The following UBAC2 variants were observed in gnomAD, a reference collection of about 807,000 sequenced individuals.
The protein encoded by UBAC2 is ubiquitin-associated domain-containing protein 2.
A neutral mutation model predicts 44.0 loss-of-function variants in UBAC2; 26 were observed. The ratio of observed to expected loss-of-function variants is 0.59; its 90% CI spans 0.43 to 0.82. UBAC2 has a LOEUF of 0.82. UBAC2 is among the 40% of genes least tolerant of loss of function. UBAC2 has a pLI of 0.00. For missense variants in UBAC2, 329 were observed against 419.4 expected (o/e 0.78, Z 1.88); for synonymous variants, 155 against 154.3 (o/e 1.00, Z -0.04).
At chr13:99,367,474 G>A (rs867552130) in intron 7 of UBAC2, among the ~76,000 whole-genome samples, 2 of 152,058 alleles carry the variant, frequency 1.3e-5, no homozygotes, top group Admixed American at 6.5e-5. Flanking sequence ...AGTCAGTGGC[G>A]TCACAGTCGG....
At chr13:99,217,631 G>A (rs1044277206) in intron 1 of UBAC2, among the ~76,000 whole-genome samples, 2 of 152,210 alleles carry the variant, frequency 1.3e-5, no homozygotes, top group African/African-American at 2.4e-5. Context: ...CAGCCCTCTG[G>A]TGTCTCAGCT....
At chr13:99,263,516 G>A (rs1334296475) in intron 4 of UBAC2, among the ~76,000 whole-genome samples, 1 of 152,204 alleles carries the variant, frequency 6.6e-6, no homozygotes, top group Non-Finnish European at 1.5e-5. Flanking sequence ...GTGCTGGCAA[G>A]GATGTTGAGT....
At chr13:99,259,175 G>T (rs970863373) in intron 4 of UBAC2, among the ~76,000 whole-genome samples, 1 of 152,086 alleles carries the variant, frequency 6.6e-6, no homozygotes, top group Admixed American at 6.5e-5. Flanking sequence ...GCCTTGTTAG[G>T]TTAATTTTGT....
At chr13:99,317,978 C>T (rs2044515114) in intron 5 of UBAC2, 44 bp from the exon 6 acceptor site, 2 of 1,499,072 alleles carry the variant, frequency 1.3e-6, no homozygotes, top group Non-Finnish European at 1.8e-6. Flanking sequence ...CTGTGACTGG[C>T]AGTTGAATTT....
chr13:99,255,683 C>G lies in UBAC2; in HGVS notation c.389+11059C>G, dbSNP rs772744547. The G allele has an allele frequency of 5.6e-6, 9 of 1,613,832 alleles. No homozygotes were observed. The highest frequency in any genetic ancestry group is 1.7e-5 in the Admixed American group (1 of 59,994). On this transcript the variant is annotated intron_variant, in intron 4 of 8. Transcript: ENST00000403766. ...ATAAATATCAAGTCCACTAATGCCA[C>G]ATTCATCATATAGATGGTTACCGTG...
chr13:99,356,305 C>T (rs2045181694), intron 7 of UBAC2: 4 of 465,688 alleles, frequency 8.6e-6, no homozygotes, highest in South Asian at 6.2e-5. Flanking sequence ...ATGGAATGCA[C>T]AGGCAAGGCG....
intron 6 of UBAC2, among the ~76,000 whole-genome samples, chr13:99,339,827 A>T (rs2044856759): frequency 1.3e-5 from 2 of 152,238 alleles, no homozygotes; most frequent in African/African-American, 4.8e-5. Flanking sequence ...AAACTGATTA[A>T]AACACTATGT....
chr13:99,366,421 G>A (rs1476249567), intron 7 of UBAC2, among the ~76,000 whole-genome samples: 2 of 152,162 alleles, frequency 1.3e-5, no homozygotes, highest in Non-Finnish European at 2.9e-5. Flanking sequence ...TCTCTCCAGA[G>A]TAATTTTACA....
intron 1 of UBAC2, among the ~76,000 whole-genome samples, chr13:99,233,683 C>T (rs1055965435): frequency 6.6e-6 from 1 of 151,676 alleles, no homozygotes; most frequent in South Asian, 2.1e-4. Flanking sequence ...AGAGTGATAC[C>T]GAGATACAAG....
At chr13:99,222,584 A>C (rs2043062945) in intron 1 of UBAC2, among the ~76,000 whole-genome samples, 1 of 152,230 alleles carries the variant, frequency 6.6e-6, no homozygotes, top group African/African-American at 2.4e-5. Flanking sequence ...TGGATTGATG[A>C]CAAATTGGTT....
At chr13:99,237,618 C>G (rs2043253546) in intron 1 of UBAC2, among the ~76,000 whole-genome samples, 3 of 152,178 alleles carry the variant, frequency 2.0e-5, no homozygotes, top group Non-Finnish European at 4.4e-5. Flanking sequence ...TTCAAAATAG[C>G]TAGAAGAGAA....
intron 1 of UBAC2, among the ~76,000 whole-genome samples, chr13:99,217,100 G>A (rs1285569154): frequency 6.6e-6 from 1 of 152,154 alleles, no homozygotes; most frequent in Non-Finnish European, 1.5e-5. Flanking sequence ...CAAAGTGCTG[G>A]GATCACAGGC....
chr13:99,327,369 A>G (rs914716873), intron 6 of UBAC2, among the ~76,000 whole-genome samples: 1 of 152,160 alleles, frequency 6.6e-6, no homozygotes, highest in African/African-American at 2.4e-5. Flanking sequence ...AGGACAGAAC[A>G]TTTTCCCATG....
At chr13:99,233,419 G>A (rs1029234328) in intron 1 of UBAC2, among the ~76,000 whole-genome samples, 1 of 152,052 alleles carries the variant, frequency 6.6e-6, no homozygotes, top group African/African-American at 2.4e-5. Context: ...CCTCAGATTT[G>A]GTTTCTAAAG....
chr13:99,211,990 T>C (rs1566448345), intron 1 of UBAC2, among the ~76,000 whole-genome samples: 1 of 152,220 alleles, frequency 6.6e-6, no homozygotes, highest in Non-Finnish European at 1.5e-5. Context: ...CAAGATCCAG[T>C]TTACCTTTGG....
At chr13:99,335,869 C>G (rs939054341) in intron 6 of UBAC2, among the ~76,000 whole-genome samples, 2 of 152,090 alleles carry the variant, frequency 1.3e-5, no homozygotes, top group Non-Finnish European at 2.9e-5. Context: ...TTCTCAGTTC[C>G]CTCCATCCTT....
intron 1 of UBAC2, among the ~76,000 whole-genome samples, chr13:99,225,806 A>G (rs1229146285): frequency 6.6e-6 from 1 of 152,228 alleles, no homozygotes. Context: ...TCTAAAATGC[A>G]TTAGGTCCCA....
chr13:99,238,590 G>C, intron 2 of UBAC2, 36 bp downstream of exon 2: 1 of 1,487,476 alleles, frequency 6.7e-7, no homozygotes, highest in Non-Finnish European at 9.0e-7. Context: ...AGAGGAGAGC[G>C]GACAGTTTTT....
At chr13:99,208,929 T>A (rs2042907475) in intron 1 of UBAC2, among the ~76,000 whole-genome samples, 1 of 152,236 alleles carries the variant, frequency 6.6e-6, no homozygotes. Context: ...GGCCAGTTTA[T>A]TTTGGTGACT....
Sources: gnomAD v4.1 joint callset for allele counts (sites outside exome capture counted in the v4.1 genomes callset) on GRCh38, gnomAD v4.1.1 for gene constraint, MANE v1.5 for transcripts, NCBI Gene and HGNC (gene_info 2026-07-23, HGNC 2026-07-21) for gene names.